The following HSPBAP1 variants were observed in gnomAD, a reference collection of about 807,000 sequenced individuals.
HSPBAP1 encodes the protein HSPB1-associated protein 1.
Under a neutral mutation model 45.2 loss-of-function variants are expected in HSPBAP1, and 27 were observed. That is an observed-to-expected ratio of 0.60 (90% CI 0.44 to 0.82). HSPBAP1 has a LOEUF of 0.82. HSPBAP1 is among the 40% of genes least tolerant of loss of function. The pLI is 0.00. For missense variants in HSPBAP1, 510 were observed against 590.9 expected (o/e 0.86, Z 1.42); for synonymous variants, 204 against 202.7 (o/e 1.01, Z -0.06).
chr3:122,752,742 C>A, intron 5 of HSPBAP1, 68 bp from the exon 6 acceptor site: 2 of 1,438,190 alleles, frequency 1.4e-6, no homozygotes. Flanking sequence ...GAATCAGACC[C>A]TAATTGAGGC....
chr3:122,747,578 G>A (rs1286961598), intron 6 of HSPBAP1, among the ~76,000 whole-genome samples: 2 of 147,296 alleles, frequency 1.4e-5, no homozygotes, highest in African/African-American at 5.0e-5. Context: ...GTCCGGGAGG[G>A]AGGTGGGGGG....
At chr3:122,757,357 C>A (rs1029761790) in intron 4 of HSPBAP1, among the ~76,000 whole-genome samples, 2 of 152,182 alleles carry the variant, frequency 1.3e-5, no homozygotes, top group African/African-American at 4.8e-5. Flanking sequence ...CCTCTCTACA[C>A]CCCATGCTTT....
intron 3 of HSPBAP1, among the ~76,000 whole-genome samples, chr3:122,765,495 T>A (rs950158399): frequency 6.6e-6 from 1 of 150,728 alleles, no homozygotes; most frequent in Admixed American, 6.6e-5. Flanking sequence ...GCAGGAGAAT[T>A]GCTTGAACCT....
intron 1 of HSPBAP1, among the ~76,000 whole-genome samples, chr3:122,786,121 A>T (rs531580673): frequency 5.4e-5 from 7 of 129,564 alleles, no homozygotes; most frequent in South Asian, 4.5e-4. Flanking sequence ...CTTTTAGATT[A>T]AAAAAAAAAA....
Position 122,792,422 on chromosome 3 carries a change from A to G in HSPBAP1, c.64+1195T>C, listed in dbSNP as rs149608303. On this transcript the variant is annotated intron_variant, in intron 1 of 7. Coordinates refer to ENST00000306103, the MANE Select transcript of HSPBAP1 (RefSeq NM_024610.6). Reference sequence around the variant, plus strand: ...CAGTGGATAGAAAATGGAAAGATCAATGCAATGGAGGTATAGATGAAGGTC... The same window carrying G: ...CAGTGGATAGAAAATGGAAAGATCAGTGCAATGGAGGTATAGATGAAGGTC... Among the ~76,000 whole-genome samples, 378 of 152,304 alleles carry G rather than the reference A, an allele frequency of 2.5e-3. 3 individuals carry two copies. Among genetic ancestry groups the G allele is most frequent in the African/African-American group, 7.5e-3 (313 of 41,568 alleles).
chr3:122,760,837 T>C (rs762300962), intron 3 of HSPBAP1, among the ~76,000 whole-genome samples: 1 of 152,192 alleles, frequency 6.6e-6, no homozygotes, highest in Non-Finnish European at 1.5e-5. Flanking sequence ...TGTTGACTTA[T>C]GATGGTTAAA....
intron 1 of HSPBAP1, among the ~76,000 whole-genome samples, chr3:122,789,971 T>C (rs1935773305): frequency 6.6e-6 from 1 of 151,984 alleles, no homozygotes; most frequent in Non-Finnish European, 1.5e-5. Flanking sequence ...CAAACGATTC[T>C]TGTGCCTCAG....
chr3:122,779,231 C>T (rs11713518), intron 1 of HSPBAP1, among the ~76,000 whole-genome samples: 25,960 of 151,306 alleles, frequency 0.17, 3,157 homozygotes, highest in East Asian at 0.53. Context: ...TTAGTAGAGA[C>T]GGGCTTTCAC....
rs189922116 is a variant in HSPBAP1, at chr3:122,762,490, C to T, written c.433-3130G>A. Among the ~76,000 whole-genome samples the T allele has an allele frequency of 6.8e-4, 104 of 152,272 alleles. 1 individual carries two copies. Among genetic ancestry groups the T allele is most frequent in the African/African-American group, 2.5e-3 (103 of 41,556 alleles). On this transcript the variant is annotated intron_variant, in intron 3 of 7. Transcript: ENST00000306103. Reference sequence around the variant, plus strand: ...AGACGGCACTTTTCTTTTTAAGCAACTAAATTATACCAAGGCTAATATTGG... The same window carrying T: ...AGACGGCACTTTTCTTTTTAAGCAATTAAATTATACCAAGGCTAATATTGG...
At chr3:122,789,271 G>A (rs1935750330) in intron 1 of HSPBAP1, among the ~76,000 whole-genome samples, 2 of 152,174 alleles carry the variant, frequency 1.3e-5, no homozygotes, top group Admixed American at 6.5e-5. Flanking sequence ...ACTGGAAGAA[G>A]AGTTACTAAC....
chr3:122,740,937 T>C, intron 7 of HSPBAP1, 62 bp from the exon 8 acceptor site: 14 of 1,608,252 alleles, frequency 8.7e-6, no homozygotes, highest in Non-Finnish European at 1.1e-5. Flanking sequence ...GGAAAACATA[T>C]GTTCTAGTCA....
At position 122,777,751 on chromosome 3, in the gene HSPBAP1, A is replaced by G; in HGVS notation, c.220T>C (p.Phe74Leu). The G allele has an allele frequency of 6.2e-7, 1 of 1,613,958 alleles. No individual in the cohort carries two copies. The highest frequency in any genetic ancestry group is 8.5e-7 in the Non-Finnish European group (1 of 1,179,904). Residue 74 changes from phenylalanine (F) to leucine (L), a missense_variant, in exon 2 of 8, where the codon TTC becomes CTC. Coordinates refer to ENST00000306103, the MANE Select transcript of HSPBAP1 (RefSeq NM_024610.6). ...SQVLHGKQIR[F>L]RMGMKSMSTV... ...CTCATGCTTTTCATCCCCATTCTGA[A>G]TCGTATCTGCTTGCCATGAAGGACC...
Position 122,740,131 on chromosome 3 carries a change from G to C in HSPBAP1, c.*214C>G, listed in dbSNP as rs1576226301. On this transcript the variant is annotated 3_prime_UTR_variant, in exon 8 of 8. Transcript: ENST00000306103. ...CACAGGCTAAAAGTATGGGATGAGA[G>C]AGGAACAAAAGCTTACAAACAAAGA... 1 of 330,902 alleles carries C rather than the reference G, an allele frequency of 3.0e-6. No individual in the cohort carries two copies. The highest frequency in any genetic ancestry group is 5.3e-6 in the Non-Finnish European group (1 of 187,620). The allele number at this position is 330,902 out of a possible 1,614,324, so 20.5% of individuals were successfully genotyped here.
intron 6 of HSPBAP1, among the ~76,000 whole-genome samples, chr3:122,747,413 C>T (rs867774783): frequency 1.4e-3 from 206 of 149,978 alleles, no homozygotes; most frequent in Non-Finnish European, 2.6e-3. Flanking sequence ...GGAGCCCCTC[C>T]GCCCGGCAAC....
At chr3:122,747,763 G>A (rs1398120505) in intron 6 of HSPBAP1, among the ~76,000 whole-genome samples, 1 of 150,244 alleles carries the variant, frequency 6.7e-6, no homozygotes, top group Non-Finnish European at 1.5e-5. Context: ...GAGGTGGGGG[G>A]GTCAGCCCCC....
chr3:122,786,814 C>A (rs2107543275), intron 1 of HSPBAP1, among the ~76,000 whole-genome samples: 1 of 152,204 alleles, frequency 6.6e-6, no homozygotes, highest in Admixed American at 6.5e-5. Context: ...GAATTTCAGG[C>A]CCATCGTGAA....
At chr3:122,793,519 C>T in intron 1 of HSPBAP1, 98 bp downstream of exon 1, 2 of 996,020 alleles carry the variant, frequency 2.0e-6, no homozygotes, top group East Asian at 2.4e-5. Context: ...CCAGAGAGAC[C>T]TGGGTTGGGG....
At chr3:122,747,948 C>T (rs985404272) in intron 6 of HSPBAP1, among the ~76,000 whole-genome samples, 5 of 149,450 alleles carry the variant, frequency 3.3e-5, no homozygotes, top group South Asian at 2.1e-4. Flanking sequence ...AAGGGGGGAA[C>T]GGTGGGGAAA....
chr3:122,753,606 C>T (rs1934238069), intron 5 of HSPBAP1: 1 of 984,312 alleles, frequency 1.0e-6, no homozygotes, highest in African/African-American at 1.7e-5. Context: ...TATGAGATTT[C>T]CTATTAAGAG....
Sources: gnomAD v4.1 joint callset for allele counts (sites outside exome capture counted in the v4.1 genomes callset) on GRCh38, gnomAD v4.1.1 for gene constraint, MANE v1.5 for transcripts, NCBI Gene and HGNC (gene_info 2026-07-23, HGNC 2026-07-21) for gene names.